The following ACVR1 variants were observed in gnomAD, a reference collection of about 807,000 sequenced individuals.
ACVR1 encodes the protein activin A receptor type 1, also known as activin receptor type-1.
A neutral mutation model predicts 57.1 loss-of-function variants in ACVR1; 38 were observed. That is an observed-to-expected ratio of 0.67 (90% CI 0.51 to 0.87). The LOEUF is 0.87. Among genes scored for constraint, ACVR1 ranks in the 40% least tolerant of loss-of-function variants. The probability of loss-of-function intolerance (pLI) is 0.00; values close to 1 mark genes in which losing one functional copy is unlikely to be tolerated. For synonymous variants in ACVR1, 212 were observed against 228.1 expected (o/e 0.93, Z 0.63); for missense variants, 463 against 638.2 (o/e 0.73, Z 2.96).
intron 7 of ACVR1, among the ~76,000 whole-genome samples, chr2:157,766,776 A>C (rs1685878119): frequency 6.6e-6 from 1 of 152,284 alleles, no homozygotes; most frequent in Non-Finnish European, 1.5e-5. Context: ...TCTGTCAGTC[A>C]CACACAGAAA....
chr2:157,805,780 TTTTGTTTG>T (rs1028957396), intron 2 of ACVR1, among the ~76,000 whole-genome samples: 5 of 151,592 alleles, frequency 3.3e-5, no homozygotes, highest in East Asian at 1.9e-4. Context: ...CTTAACAGTT[TTTTGTTTG>T]TTTGTTTGTT....
At chr2:157,783,964 G>T (rs1686619353) in intron 3 of ACVR1, among the ~76,000 whole-genome samples, 2 of 152,166 alleles carry the variant, frequency 1.3e-5, no homozygotes, top group South Asian at 4.1e-4. Flanking sequence ...GTGCCACCTT[G>T]GCAATTTCAT....
Position 157,809,865 on chromosome 2 carries a change from A to C in ACVR1, c.-8+8520T>G, listed in dbSNP as rs1275912789. The stretch of plus-strand genomic sequence containing the variant: ...TGAGGCAGGAGGATCACTTGAGCCC[A>C]GGATCTCAAGACCAGCATGGGCAAC... On this transcript the variant is annotated intron_variant, in intron 2 of 10. Transcript: ENST00000434821. Among the ~76,000 whole-genome samples the C allele has an allele frequency of 3.3e-5, 5 of 152,172 alleles. No homozygotes were observed. In the East Asian group the frequency reaches 9.6e-4, roughly 29 times the overall value.
intron 3 of ACVR1, among the ~76,000 whole-genome samples, chr2:157,791,377 CTTA>C (rs1686906129): frequency 6.6e-6 from 1 of 152,182 alleles, no homozygotes; most frequent in Admixed American, 6.5e-5. Context: ...CCCACTGTCT[CTTA>C]TTATCTTTTC....
chr2:157,865,134 T>C (rs2105382341), intron 1 of ACVR1, among the ~76,000 whole-genome samples: 1 of 149,308 alleles, frequency 6.7e-6, no homozygotes, highest in African/African-American at 2.4e-5. Flanking sequence ...AAGCTCCATT[T>C]ACTGGAAGGA....
intron 6 of ACVR1, among the ~76,000 whole-genome samples, chr2:157,773,799 C>G (rs557515838): frequency 6.6e-6 from 1 of 152,238 alleles, no homozygotes; most frequent in Admixed American, 6.5e-5. Context: ...AAGGAGCAAC[C>G]ATATCAATTC....
At chr2:157,823,051 T>C (rs1038920181) in intron 1 of ACVR1, among the ~76,000 whole-genome samples, 2 of 152,234 alleles carry the variant, frequency 1.3e-5, no homozygotes, top group African/African-American at 4.8e-5. Flanking sequence ...GACACATCAA[T>C]GGTAGTAGCA....
chr2:157,869,760 C>A (rs1690054771), intron 1 of ACVR1, among the ~76,000 whole-genome samples: 1 of 152,208 alleles, frequency 6.6e-6, no homozygotes, highest in South Asian at 2.1e-4. Context: ...TTGTTCACAA[C>A]AACTTGGGTT....
At chr2:157,761,123 A>T (rs1432479348) in intron 8 of ACVR1, 46 bp from the exon 9 acceptor site, 10 of 1,598,664 alleles carry the variant, frequency 6.3e-6, no homozygotes, top group African/African-American at 2.7e-5. Flanking sequence ...TTCCTTTCTC[A>T]TAAGAGGCTG....
chr2:157,739,061 A>G (rs1454472327), intron 9 of ACVR1, among the ~76,000 whole-genome samples: 2 of 152,244 alleles, frequency 1.3e-5, no homozygotes, highest in African/African-American at 2.4e-5. Context: ...CTTTGTTAGA[A>G]AAGTATTTTG....
intron 2 of ACVR1, among the ~76,000 whole-genome samples, chr2:157,813,864 T>C (rs1261624718): frequency 6.6e-6 from 1 of 152,214 alleles, no homozygotes; most frequent in Admixed American, 6.5e-5. Context: ...TCATACCTAA[T>C]ATTTCAGATG....
chr2:157,741,790 G>C (rs1684782642), intron 9 of ACVR1, among the ~76,000 whole-genome samples: 1 of 152,126 alleles, frequency 6.6e-6, no homozygotes, highest in Admixed American at 6.6e-5. Flanking sequence ...GGGCTCAGAG[G>C]AGGAAACACC....
chr2:157,767,470 G>A (rs1266063785), intron 7 of ACVR1, among the ~76,000 whole-genome samples: 2 of 152,028 alleles, frequency 1.3e-5, no homozygotes, highest in Non-Finnish European at 2.9e-5. Flanking sequence ...TGCCTTTCTA[G>A]GATTATTCTC....
chr2:157,804,544 G>A (rs778507394), intron 2 of ACVR1, among the ~76,000 whole-genome samples: 3 of 152,142 alleles, frequency 2.0e-5, no homozygotes, highest in African/African-American at 4.8e-5. Context: ...ACTGGGGACT[G>A]CAAAATATTA....
intron 1 of ACVR1, among the ~76,000 whole-genome samples, chr2:157,844,902 C>T (rs1283255676): frequency 6.6e-6 from 1 of 152,162 alleles, no homozygotes; most frequent in African/African-American, 2.4e-5. Context: ...CAAGAAGGTG[C>T]CATCTTTGAA....
chr2:157,760,507 A>C (rs1417651494), intron 9 of ACVR1, among the ~76,000 whole-genome samples: 1 of 152,214 alleles, frequency 6.6e-6, no homozygotes, highest in Non-Finnish European at 1.5e-5. Flanking sequence ...GTACAGCCTA[A>C]ATGTCCTGAT....
At chr2:157,806,600 T>G (rs139790842) in intron 2 of ACVR1, 7 of 152,206 alleles carry the variant, frequency 4.6e-5, no homozygotes, top group African/African-American at 1.7e-4. Flanking sequence ...AACAGTCATA[T>G]CTCTTCTATG....
At chr2:157,751,117 A>G (rs570792086) in intron 9 of ACVR1, among the ~76,000 whole-genome samples, 1 of 152,306 alleles carries the variant, frequency 6.6e-6, no homozygotes, top group East Asian at 1.9e-4. Context: ...CAGTCCAAAT[A>G]CTCTGAGTGC....
intron 4 of ACVR1, 38 bp from the exon 5 acceptor site, chr2:157,778,380 A>G (rs1362833796): frequency 2.0e-6 from 3 of 1,522,926 alleles, no homozygotes; most frequent in Non-Finnish European, 1.8e-6. Context: ...AGTTGTAAGG[A>G]TCACTGCTTA....
Sources: allele counts gnomAD v4.1 joint callset (sites outside exome capture counted in the v4.1 genomes callset), GRCh38; gene constraint gnomAD v4.1.1; transcripts MANE v1.5; gene names NCBI Gene and HGNC (gene_info 2026-07-23, HGNC 2026-07-21).